Variants in ANTXR2 observed in about 807,000 individuals in gnomAD.
ANTXR2 encodes anthrax toxin receptor 2.
ANTXR2 carries 44 observed loss-of-function variants against 73.7 expected under a neutral mutation model. That is an observed-to-expected ratio of 0.60 (90% confidence interval 0.47 to 0.77). The LOEUF (loss-of-function observed/expected upper bound fraction) is 0.77, where lower values mean the gene tolerates loss of function less well. ANTXR2 is among the 30% of genes least tolerant of loss of function. The probability of loss-of-function intolerance (pLI) is 0.00; values close to 1 mark genes in which losing one functional copy is unlikely to be tolerated. For synonymous variants in ANTXR2, 217 were observed against 205.9 expected (o/e 1.05, Z -0.46); for missense variants, 604 against 592.5 (o/e 1.02, Z -0.20).
intron 7 of ANTXR2, among the ~76,000 whole-genome samples, chr4:80,052,630 C>T (rs1159223963): frequency 6.6e-6 from 1 of 151,584 alleles, no homozygotes; most frequent in Non-Finnish European, 1.5e-5. Flanking sequence ...GAAAACTATA[C>T]CCATGATCTC....
intron 3 of ANTXR2, among the ~76,000 whole-genome samples, chr4:80,062,732 G>T (rs1734320120): frequency 6.6e-6 from 1 of 152,226 alleles, no homozygotes; most frequent in Non-Finnish European, 1.5e-5. Context: ...CTGACTGATT[G>T]AAAACTGGAG....
rs1048095559 is a variant in ANTXR2, at chr4:80,072,737, C to G, written c.-177G>C. 6 of 1,330,658 alleles carry G rather than the reference C, an allele frequency of 4.5e-6. No homozygotes were observed. The Admixed American group carries it at 1.2e-4, about 26-fold the overall frequency. The allele number at this position is 1,330,658 out of a possible 1,614,324, so 82.4% of individuals were successfully genotyped here. On this transcript the variant is annotated 5_prime_UTR_variant, in exon 1 of 17. Transcript: ENST00000403729. ...CTGACAGGGAGGGAGAGAGGGAGGT[C>G]CTGAGAGGACAAAGGGAGTCTCCGC...
chr4:79,957,902 T>C (rs867695544), intron 16 of ANTXR2, among the ~76,000 whole-genome samples: 33 of 152,086 alleles, frequency 2.2e-4, no homozygotes, highest in African/African-American at 7.2e-4. Context: ...TGTTTAGTCA[T>C]TTCAAGTTTC....
At chr4:79,986,713 C>T (rs1730182013) in intron 12 of ANTXR2, among the ~76,000 whole-genome samples, 1 of 152,150 alleles carries the variant, frequency 6.6e-6, no homozygotes, top group African/African-American at 2.4e-5. Flanking sequence ...ACCCTGCCCC[C>T]ACAACCAGAG....
At chr4:79,986,702 C>T (rs1257809610) in intron 12 of ANTXR2, among the ~76,000 whole-genome samples, 9 of 152,152 alleles carry the variant, frequency 5.9e-5, no homozygotes, top group Non-Finnish European at 1.0e-4. Flanking sequence ...TCTCCTGTGG[C>T]ACCCTGCCCC....
chr4:80,052,285 A>C (rs1733806734), intron 7 of ANTXR2, among the ~76,000 whole-genome samples: 1 of 151,742 alleles, frequency 6.6e-6, no homozygotes, highest in African/African-American at 2.4e-5. Flanking sequence ...ATTTTTAAAA[A>C]TCAGATGGTA....
chr4:80,033,601 T>C (rs569674578), intron 8 of ANTXR2, 31 bp from the exon 9 acceptor site: 2 of 1,491,426 alleles, frequency 1.3e-6, no homozygotes, highest in Admixed American at 4.5e-5. Flanking sequence ...AAACATTTAA[T>C]CACTGCTTTA....
In ANTXR2 at chr4:80,033,367, A is replaced by G. The variant is rs560172449; in HGVS notation, c.796+105T>C. Reference sequence around the variant, plus strand: ...TCAGACTTCATTTCTTTCTTCTTAGATTAAAAAATATGTCAGTTAGTTTTC... The same window carrying G: ...TCAGACTTCATTTCTTTCTTCTTAGGTTAAAAAATATGTCAGTTAGTTTTC... On this transcript the variant is annotated intron_variant, in intron 9 of 16. Coordinates refer to ENST00000403729, the MANE Select transcript of ANTXR2 (RefSeq NM_058172.6). 7.6e-4 allele frequency: 574 copies of G among 751,946 alleles called. 1 individual carries two copies. Among genetic ancestry groups the G allele is most frequent in the Non-Finnish European group, 1.1e-3 (497 of 468,648 alleles). 46.6% of individuals were successfully genotyped at this position (751,946 alleles called of 1,614,324 possible).
intron 16 of ANTXR2, among the ~76,000 whole-genome samples, chr4:79,975,914 C>CTTTTTT (rs528899255): frequency 8.1e-5 from 11 of 135,750 alleles, no homozygotes; most frequent in East Asian, 4.5e-4. Flanking sequence ...TCAAATTACA[C>CTTTTTT]TTTTTTTTTT....
intron 14 of ANTXR2, 57 bp from the exon 15 acceptor site, chr4:79,978,231 C>A: frequency 6.5e-7 from 1 of 1,532,870 alleles, no homozygotes; most frequent in South Asian, 1.2e-5. Context: ...GAGGAACAGG[C>A]TCTTATTGAG....
chr4:79,994,313 A>C (rs548485696), intron 12 of ANTXR2, among the ~76,000 whole-genome samples: 9 of 152,152 alleles, frequency 5.9e-5, no homozygotes, highest in Admixed American at 3.9e-4. Context: ...CCAATGTTCA[A>C]ATTTGACTCA....
intron 11 of ANTXR2, among the ~76,000 whole-genome samples, chr4:80,015,128 C>T (rs1731778121): frequency 6.6e-6 from 1 of 152,176 alleles, no homozygotes; most frequent in Non-Finnish European, 1.5e-5. Context: ...TAAATTTTTA[C>T]TTCCAGCCCT....
At position 80,012,513 on chromosome 4, in the gene ANTXR2, T is replaced by C. The variant is rs114541251; in HGVS notation, c.946-3897A>G. 6.5e-3 allele frequency among the ~76,000 whole-genome samples: 990 copies of C among 152,266 alleles called. 10 individuals are homozygous for C. Among genetic ancestry groups the C allele is most frequent in the African/African-American group, 0.019 (801 of 41,544 alleles). On this transcript the variant is annotated intron_variant, in intron 11 of 16. Transcript: ENST00000403729. Reference sequence around the variant, plus strand: ...AGTTAAGTAGTTGTGACAGAGACCATATGGCCCCCAAAGCCTTAAGTATGT... The same window carrying C: ...AGTTAAGTAGTTGTGACAGAGACCACATGGCCCCCAAAGCCTTAAGTATGT...
intron 7 of ANTXR2, 36 bp downstream of exon 7, chr4:80,054,236 G>A (rs774646025): frequency 1.3e-6 from 2 of 1,494,798 alleles, no homozygotes; most frequent in Non-Finnish European, 9.2e-7. Flanking sequence ...AATATACAAG[G>A]TTATGAGCCC....
rs1726796674 is a variant in ANTXR2, at chr4:79,903,572, GTCTT to G, written c.*3853_*3856del. On this transcript the variant is annotated 3_prime_UTR_variant, in exon 17 of 17. Transcript: ENST00000403729. Reference sequence around the variant, plus strand: ...GATTTTCAAAAACAACAACAAAAAAGTCTTTCTTTTATCCGATCGACTGAATTAG... The same window carrying G: ...GATTTTCAAAAACAACAACAAAAAAGTCTTTTATCCGATCGACTGAATTAG... The G allele has an allele frequency of 6.6e-6, 1 of 152,080 alleles. No homozygotes were observed. Among genetic ancestry groups the G allele is most frequent in the Non-Finnish European group, 1.5e-5 (1 of 67,994 alleles). 9.4% of individuals were successfully genotyped at this position (152,080 alleles called of 1,614,324 possible). A position where few individuals can be genotyped will look rare whatever the true frequency, so the allele number is the denominator to read the frequency against.
intron 16 of ANTXR2, among the ~76,000 whole-genome samples, chr4:79,924,472 T>C (rs571687320): frequency 2.6e-4 from 39 of 152,162 alleles, no homozygotes; most frequent in African/African-American, 7.5e-4. Flanking sequence ...GCCTGGGTGA[T>C]AGAGCAAAAC....
chr4:79,921,280 C>T (rs1174446972), intron 16 of ANTXR2, among the ~76,000 whole-genome samples: 1 of 151,992 alleles, frequency 6.6e-6, no homozygotes, highest in Non-Finnish European at 1.5e-5. Flanking sequence ...CATTGAAAAA[C>T]ATTTATTGAG....
At chr4:80,056,069 A>G in intron 3 of ANTXR2, 56 bp from the exon 4 acceptor site, 3 of 1,230,712 alleles carry the variant, frequency 2.4e-6, no homozygotes, top group Non-Finnish European at 3.3e-6. Flanking sequence ...GTAACAATAA[A>G]CACTTCTTAA....
intron 16 of ANTXR2, among the ~76,000 whole-genome samples, chr4:79,962,200 T>TC (rs1466105778): frequency 1.3e-5 from 2 of 152,122 alleles, no homozygotes; most frequent in Non-Finnish European, 2.9e-5. Flanking sequence ...CTGAAACAGT[T>TC]CATGATATAC....
Sources: allele counts gnomAD v4.1 joint callset (sites outside exome capture counted in the v4.1 genomes callset), GRCh38; gene constraint gnomAD v4.1.1; transcripts MANE v1.5; gene names NCBI Gene and HGNC (gene_info 2026-07-23, HGNC 2026-07-21).